ACYP2: variants seen among roughly 807,000 people sequenced by gnomAD.
The protein encoded by ACYP2 is acylphosphatase 2.
ACYP2 carries 12 observed loss-of-function variants against 11.2 expected under a neutral mutation model. That is an observed-to-expected ratio of 1.08 (90% CI 0.69 to 1.74). The LOEUF (loss-of-function observed/expected upper bound fraction) is 1.74, where lower values mean the gene tolerates loss of function less well. ACYP2 is among the 40% of genes most tolerant of loss of function. The probability of loss-of-function intolerance (pLI) is 0.00; values close to 1 mark genes in which losing one functional copy is unlikely to be tolerated. For synonymous variants in ACYP2, 43 were observed against 32.2 expected (o/e 1.33, Z -1.13); for missense variants, 134 against 101.9 (o/e 1.31, Z -1.35).
chr2:54,256,680 C>T (rs919860286), intron 6 of ACYP2, among the ~76,000 whole-genome samples: 1 of 152,200 alleles, frequency 6.6e-6, no homozygotes, highest in Admixed American at 6.5e-5. Context: ...GTTTCGCTGT[C>T]GCCGAGGCTG....
intron 2 of ACYP2, among the ~76,000 whole-genome samples, chr2:54,028,033 G>A (rs1186040344): frequency 1.3e-5 from 2 of 151,648 alleles, no homozygotes; most frequent in East Asian, 3.9e-4. Flanking sequence ...AGTAGAGATA[G>A]GGTTTCACCA....
chr2:54,185,646 ATAGAAAGTC>A (rs1214335696), intron 6 of ACYP2, among the ~76,000 whole-genome samples: 1 of 152,204 alleles, frequency 6.6e-6, no homozygotes. Context: ...ATGAAATAGA[ATAGAAAGTC>A]TAGATAGATA....
chr2:54,054,096 A>T (rs1047818894), intron 3 of ACYP2, among the ~76,000 whole-genome samples: 1 of 152,166 alleles, frequency 6.6e-6, no homozygotes, highest in Non-Finnish European at 1.5e-5. Flanking sequence ...CAGTTTCGAG[A>T]TAGGGATTTT....
intron 6 of ACYP2, among the ~76,000 whole-genome samples, chr2:54,152,108 G>A (rs1350099117): frequency 2.2e-5 from 3 of 137,384 alleles, no homozygotes; most frequent in African/African-American, 5.3e-5. Flanking sequence ...TTACATTAGG[G>A]TTGACTCTTT....
chr2:54,183,443 G>A lies in ACYP2; in HGVS notation c.404+44695G>A, dbSNP rs148073322. ...GCACTTTAGGAGGCTGAGGCAGAAG[G>A]ATCACTTGAGCCCAGAATGTTCAGG... On this transcript the variant is annotated intron_variant, in intron 6 of 6. Transcript: ENST00000607452. 1.0e-3 allele frequency among the ~76,000 whole-genome samples: 152 copies of A among 151,854 alleles called. 1 individual carries two copies. Among genetic ancestry groups the A allele is most frequent in the African/African-American group, 3.6e-3 (149 of 41,404 alleles).
At chr2:54,224,614 C>T (rs1003390686) in intron 6 of ACYP2, among the ~76,000 whole-genome samples, 1 of 152,216 alleles carries the variant, frequency 6.6e-6, no homozygotes, top group African/African-American at 2.4e-5. Context: ...GCATGCCAAA[C>T]AGGAAGACAA....
chr2:54,122,370 G>C (rs1450332922), intron 4 of ACYP2, among the ~76,000 whole-genome samples: 1 of 152,180 alleles, frequency 6.6e-6, no homozygotes, highest in African/African-American at 2.4e-5. Flanking sequence ...GTAGTGGACT[G>C]GACCTTGACT....
rs1024230619 is a variant in ACYP2 at position 54,157,501 on chromosome 2, A to G, written c.404+18753A>G. Reference sequence around the variant, plus strand: ...TTCTGCAGTTTTTTTGCTATTATGAATCTCGTTGCAGTGAGTATCCTTGTA... The same window carrying G: ...TTCTGCAGTTTTTTTGCTATTATGAGTCTCGTTGCAGTGAGTATCCTTGTA... On this transcript the variant is annotated intron_variant, in intron 6 of 6. Coordinates refer to ENST00000607452, the MANE Select transcript of ACYP2 (RefSeq NM_001320586.2). Among the ~76,000 whole-genome samples, 7 of 152,278 alleles carry G rather than the reference A, an allele frequency of 4.6e-5. No individual in the cohort carries two copies. The South Asian group carries it at 1.5e-3, about 32-fold the overall frequency.
At chr2:54,021,926 C>A (rs1049506659) in intron 2 of ACYP2, among the ~76,000 whole-genome samples, 1 of 151,922 alleles carries the variant, frequency 6.6e-6, no homozygotes, top group Non-Finnish European at 1.5e-5. Flanking sequence ...TTTAAGTGCT[C>A]GGGCAGCATA....
In ACYP2 at chr2:54,221,404, C is replaced by G. The variant is rs113220183; in HGVS notation, c.404+82656C>G. Among the ~76,000 whole-genome samples, 424 of 152,186 alleles carry G rather than the reference C, an allele frequency of 2.8e-3. 3 individuals are homozygous for G. The highest frequency in any genetic ancestry group is 3.3e-3 in the Non-Finnish European group (225 of 68,022). Reference sequence around the variant, plus strand: ...AAAAGTAAAATTATAGATGGCTAACCTATCAGTTCTCTATTAATTGAAAAG... The same window carrying G: ...AAAAGTAAAATTATAGATGGCTAACGTATCAGTTCTCTATTAATTGAAAAG... On this transcript the variant is annotated intron_variant, in intron 6 of 6. Transcript: ENST00000607452.
At chr2:54,199,350 G>A (rs531765945) in intron 6 of ACYP2, among the ~76,000 whole-genome samples, 35 of 152,300 alleles carry the variant, frequency 2.3e-4, no homozygotes, top group African/African-American at 7.2e-4. Context: ...TCGTGCACAC[G>A]TGTCATTGTC....
At chr2:54,085,104 G>A (rs1156625320) in intron 4 of ACYP2, 5 of 152,266 alleles carry the variant, frequency 3.3e-5, no homozygotes, top group Middle Eastern at 3.4e-3. Flanking sequence ...TTCAGTGTGA[G>A]AAAAATGATG....
chr2:54,095,830 CA>C (rs1678523241), intron 4 of ACYP2, among the ~76,000 whole-genome samples: 1 of 100,522 alleles, frequency 9.9e-6, no homozygotes, highest in Non-Finnish European at 2.1e-5. Flanking sequence ...GCTGGCCGGG[CA>C]GAGGGGCTCC....
At chr2:54,220,713 G>C (rs1023866557) in intron 6 of ACYP2, among the ~76,000 whole-genome samples, 1 of 152,154 alleles carries the variant, frequency 6.6e-6, no homozygotes, top group African/African-American at 2.4e-5. Context: ...ATGAACTTCT[G>C]AAGTCTGAGT....
At chr2:54,056,901 A>G (rs1052059121) in intron 3 of ACYP2, among the ~76,000 whole-genome samples, 3 of 152,220 alleles carry the variant, frequency 2.0e-5, no homozygotes, top group Non-Finnish European at 4.4e-5. Flanking sequence ...TTTGTGTAAG[A>G]CAAATGCTTT....
intron 2 of ACYP2, among the ~76,000 whole-genome samples, chr2:54,046,797 G>A (rs764826201): frequency 4.7e-4 from 72 of 152,098 alleles, no homozygotes; most frequent in Non-Finnish European, 3.1e-4. Flanking sequence ...TGAATAAGGG[G>A]GCAACACACT....
intron 4 of ACYP2, among the ~76,000 whole-genome samples, chr2:54,106,161 T>C (rs1679145289): frequency 6.6e-6 from 1 of 152,196 alleles, no homozygotes; most frequent in African/African-American, 2.4e-5. Context: ...AGCAAAATGT[T>C]TTTCAGTGCT....
At chr2:54,233,482 T>C (rs930309665) in intron 6 of ACYP2, among the ~76,000 whole-genome samples, 4 of 152,026 alleles carry the variant, frequency 2.6e-5, no homozygotes, top group African/African-American at 9.7e-5. Flanking sequence ...ATTTTTGCAT[T>C]TTTTGTAGAA....
At chr2:54,113,174 A>G (rs1558536528) in intron 4 of ACYP2, among the ~76,000 whole-genome samples, 1 of 151,978 alleles carries the variant, frequency 6.6e-6, no homozygotes, top group African/African-American at 2.4e-5. Context: ...TGTAAATGCT[A>G]TTATACTGTA....
Sources: allele counts gnomAD v4.1 joint callset (sites outside exome capture counted in the v4.1 genomes callset), GRCh38; gene constraint gnomAD v4.1.1; transcripts MANE v1.5; gene names NCBI Gene and HGNC (gene_info 2026-07-23, HGNC 2026-07-21).